ZFPM2: variants seen among roughly 807,000 people sequenced by gnomAD.
The protein encoded by ZFPM2 is zinc finger protein ZFPM2.
Under a neutral mutation model 98.6 loss-of-function variants are expected in ZFPM2, and 20 were observed. The observed-to-expected ratio is 0.20, with a 90% CI of 0.14 to 0.29. The LOEUF is 0.29. Among genes scored for constraint, ZFPM2 ranks in the 10% least tolerant of loss-of-function variants. The pLI, the probability that ZFPM2 is intolerant of heterozygous loss-of-function variation, is 1.00. For missense variants in ZFPM2, 1,310 were observed against 1,388.6 expected (o/e 0.94, Z 0.90); for synonymous variants, 518 against 502.7 (o/e 1.03, Z -0.41).
At chr8:105,615,114 G>C (rs1332004747) in intron 4 of ZFPM2, among the ~76,000 whole-genome samples, 1 of 151,966 alleles carries the variant, frequency 6.6e-6, no homozygotes, top group African/African-American at 2.4e-5. Flanking sequence ...AGTGCTTATG[G>C]AGGGAAGGGT....
chr8:105,577,846 T>G (rs1476883074), intron 4 of ZFPM2, among the ~76,000 whole-genome samples: 1 of 151,976 alleles, frequency 6.6e-6, no homozygotes, highest in African/African-American at 2.4e-5. Context: ...TTTGATCTTT[T>G]GTGAGTTTTT....
intron 5 of ZFPM2, among the ~76,000 whole-genome samples, chr8:105,691,230 A>ATTTTT (rs1405040871): frequency 3.6e-5 from 3 of 83,286 alleles, no homozygotes; most frequent in Non-Finnish European, 4.5e-5. Context: ...TCCCAAAGAG[A>ATTTTT]CTTTTTTTTT....
At chr8:105,558,581 G>C (rs1315318348) in intron 3 of ZFPM2, among the ~76,000 whole-genome samples, 3 of 152,186 alleles carry the variant, frequency 2.0e-5, no homozygotes, top group African/African-American at 7.2e-5. Flanking sequence ...CAAGTTTGTA[G>C]TTCTTAATCC....
intron 5 of ZFPM2, among the ~76,000 whole-genome samples, chr8:105,699,668 G>A (rs1317643365): frequency 6.6e-6 from 1 of 151,900 alleles, no homozygotes; most frequent in Non-Finnish European, 1.5e-5. Context: ...GAATTAATGC[G>A]CTGTAACTGT....
chr8:105,588,997 C>T (rs1248859486), intron 4 of ZFPM2, among the ~76,000 whole-genome samples: 2 of 152,086 alleles, frequency 1.3e-5, no homozygotes, highest in East Asian at 1.9e-4. Flanking sequence ...TCCTTAATCC[C>T]GTTATGTTTT....
chr8:105,678,683 G>GT (rs2130916846), intron 5 of ZFPM2: 1 of 152,228 alleles, frequency 6.6e-6, no homozygotes, highest in Admixed American at 6.5e-5. Flanking sequence ...TTATCCTCCG[G>GT]TTTTCTCTCT....
intron 2 of ZFPM2, among the ~76,000 whole-genome samples, chr8:105,420,435 C>T (rs190799394): frequency 9.1e-4 from 138 of 152,172 alleles, no homozygotes; most frequent in Non-Finnish European, 1.6e-3. Flanking sequence ...TCCCTGTGGT[C>T]AGTAGAACCC....
At chr8:105,465,654 A>G (rs1019077732) in intron 3 of ZFPM2, among the ~76,000 whole-genome samples, 10 of 152,002 alleles carry the variant, frequency 6.6e-5, no homozygotes, top group Admixed American at 1.3e-4. Context: ...ACTATTTGCA[A>G]TATTTTTATG....
intron 1 of ZFPM2, among the ~76,000 whole-genome samples, chr8:105,348,176 A>C (rs1446260590): frequency 2.6e-5 from 4 of 152,220 alleles, no homozygotes; most frequent in Non-Finnish European, 4.4e-5. Context: ...ATGAAGAATC[A>C]TGTAGTAAGG....
intron 1 of ZFPM2, among the ~76,000 whole-genome samples, chr8:105,412,238 T>G (rs1014652652): frequency 2.0e-5 from 3 of 151,826 alleles, no homozygotes; most frequent in Non-Finnish European, 4.4e-5. Context: ...CAATGGTGTG[T>G]GGTCAAATTG....
chr8:105,742,990 A>T (rs987667829), intron 5 of ZFPM2, among the ~76,000 whole-genome samples: 1 of 152,110 alleles, frequency 6.6e-6, no homozygotes, highest in African/African-American at 2.4e-5. Context: ...GTTTCAAGAG[A>T]TGATGACAAA....
At chr8:105,792,141 G>A (rs1274770712) in intron 6 of ZFPM2, among the ~76,000 whole-genome samples, 3 of 152,100 alleles carry the variant, frequency 2.0e-5, no homozygotes, top group South Asian at 4.1e-4. Context: ...GTTTTTGAGT[G>A]TGTTTGCTCT....
intron 3 of ZFPM2, among the ~76,000 whole-genome samples, chr8:105,446,006 C>T (rs967774926): frequency 2.6e-5 from 4 of 151,942 alleles, no homozygotes; most frequent in Non-Finnish European, 5.9e-5. Flanking sequence ...CCACAACCTC[C>T]GCTTCCCAAG....
At chr8:105,671,162 A>G (rs1251193658) in intron 5 of ZFPM2, among the ~76,000 whole-genome samples, 2 of 152,004 alleles carry the variant, frequency 1.3e-5, no homozygotes, top group African/African-American at 2.4e-5. Flanking sequence ...ATCTTGATAC[A>G]TATATTTTGC....
chr8:105,469,416 C>T (rs1812855497), intron 3 of ZFPM2, among the ~76,000 whole-genome samples: 1 of 152,088 alleles, frequency 6.6e-6, no homozygotes, highest in South Asian at 2.1e-4. Context: ...ATGACTGCGT[C>T]TTCCATTTTT....
intron 1 of ZFPM2, among the ~76,000 whole-genome samples, chr8:105,374,117 C>T (rs1270339397): frequency 2.0e-5 from 3 of 152,156 alleles, no homozygotes; most frequent in Admixed American, 6.5e-5. Context: ...GTCACATATA[C>T]TATCTCTCAA....
chr8:105,365,223 G>T (rs1485081034), intron 1 of ZFPM2, among the ~76,000 whole-genome samples: 1 of 152,142 alleles, frequency 6.6e-6, no homozygotes. Flanking sequence ...TAGGTGAGTG[G>T]AAGAGATCAT....
chr8:105,322,294 A>G (rs1022488908), intron 1 of ZFPM2, among the ~76,000 whole-genome samples: 2 of 152,052 alleles, frequency 1.3e-5, no homozygotes, highest in African/African-American at 4.8e-5. Flanking sequence ...TTACCAATGC[A>G]TCTCTTTATG....
At chr8:105,586,124 G>C (rs1815709612) in intron 4 of ZFPM2, among the ~76,000 whole-genome samples, 1 of 151,782 alleles carries the variant, frequency 6.6e-6, no homozygotes, top group South Asian at 2.1e-4. Flanking sequence ...AAGAGAACAT[G>C]GTAAACTTCA....
Sources: allele counts gnomAD v4.1 joint callset (sites outside exome capture counted in the v4.1 genomes callset), GRCh38; gene constraint gnomAD v4.1.1; transcripts MANE v1.5; gene names NCBI Gene and HGNC (gene_info 2026-07-23, HGNC 2026-07-21).